The following IL1RAPL1 variants were observed in gnomAD, a reference collection of about 807,000 sequenced individuals.
IL1RAPL1 encodes interleukin-1 receptor accessory protein-like 1.
IL1RAPL1 carries 3 observed loss-of-function variants against 48.4 expected under a neutral mutation model. The observed-to-expected ratio is 0.06, with a 90% CI of 0.03 to 0.16. The LOEUF (loss-of-function observed/expected upper bound fraction) is 0.16. IL1RAPL1 is among the 10% of genes least tolerant of loss of function. IL1RAPL1 has a pLI of 1.00. For missense variants in IL1RAPL1, 349 were observed against 530.6 expected (o/e 0.66, Z 3.36); for synonymous variants, 185 against 187.7 (o/e 0.99, Z 0.12).
chrX:28,744,587 C>G (rs1366727654), intron 1 of IL1RAPL1, among the ~76,000 whole-genome samples: 1 of 111,406 alleles, frequency 9.0e-6, no homozygotes, highest in Non-Finnish European at 1.9e-5. Flanking sequence ...TGTCTATACT[C>G]AAAATGCCAA....
At chrX:29,614,256 T>C (rs936593665) in intron 5 of IL1RAPL1, among the ~76,000 whole-genome samples, 4 of 111,584 alleles carry the variant, frequency 3.6e-5, no homozygotes, top group Non-Finnish European at 7.5e-5. Context: ...CCTAGGCAAA[T>C]TGTCAGATTC....
chrX:29,084,804 G>A (rs1255818505), intron 2 of IL1RAPL1, among the ~76,000 whole-genome samples: 1 of 112,319 alleles, frequency 8.9e-6, no homozygotes, highest in African/African-American at 3.2e-5. Context: ...CGATTCTCCT[G>A]CCTCAGCCTC....
chrX:28,758,994 T>G (rs1936135317), intron 1 of IL1RAPL1, among the ~76,000 whole-genome samples: 1 of 112,342 alleles, frequency 8.9e-6, no homozygotes, highest in Non-Finnish European at 1.9e-5. Context: ...CCCAGCACTT[T>G]GGGAGGCCGA....
At chrX:29,048,839 A>G (rs1318088353) in intron 2 of IL1RAPL1, among the ~76,000 whole-genome samples, 1 of 112,298 alleles carries the variant, frequency 8.9e-6, no homozygotes, top group African/African-American at 3.2e-5. Flanking sequence ...TCTTTTATGA[A>G]CCACAAAGGA....
At chrX:28,706,129 G>A (rs764688782) in intron 1 of IL1RAPL1, among the ~76,000 whole-genome samples, 13 of 111,840 alleles carry the variant, frequency 1.2e-4, no homozygotes, top group Non-Finnish European at 1.9e-4. Context: ...ATGACGAACC[G>A]CATGTAGGAT....
intron 3 of IL1RAPL1, among the ~76,000 whole-genome samples, chrX:29,288,211 C>T (rs1350147227): frequency 5.4e-5 from 6 of 110,221 alleles, no homozygotes; most frequent in Admixed American, 3.9e-4. Flanking sequence ...CATAGGTAAA[C>T]GTGTGCCATG....
At chrX:29,327,644 A>G (rs1932851570) in intron 3 of IL1RAPL1, among the ~76,000 whole-genome samples, 1 of 104,906 alleles carries the variant, frequency 9.5e-6, no homozygotes, top group East Asian at 2.9e-4. Flanking sequence ...TACACACTAT[A>G]TATATACTAT....
At chrX:29,317,419 A>G (rs938003322) in intron 3 of IL1RAPL1, among the ~76,000 whole-genome samples, 3 of 112,129 alleles carry the variant, frequency 2.7e-5, no homozygotes, top group African/African-American at 6.5e-5. Context: ...TACTATTTTA[A>G]TTTACAATTA....
chrX:29,954,949 G>A (rs1484111944), intron 10 of IL1RAPL1, among the ~76,000 whole-genome samples, 153 bp from the exon 11 acceptor site: 2 of 111,730 alleles, frequency 1.8e-5, no homozygotes, highest in Non-Finnish European at 3.8e-5. Flanking sequence ...GATTTGTACC[G>A]GGAAAAAAAA....
At chrX:28,874,181 C>T (rs939257302) in intron 2 of IL1RAPL1, among the ~76,000 whole-genome samples, 1 of 111,357 alleles carries the variant, frequency 9.0e-6, no homozygotes, top group African/African-American at 3.3e-5. Context: ...TTTTCATACT[C>T]AAGGCCTTAT....
intron 3 of IL1RAPL1, among the ~76,000 whole-genome samples, chrX:29,320,264 G>T (rs757166106): frequency 2.7e-5 from 3 of 111,613 alleles, no homozygotes; most frequent in African/African-American, 6.5e-5. Flanking sequence ...ATGGGGAAAG[G>T]ATACACGACA....
chrX:29,853,468 A>G (rs911969269), intron 6 of IL1RAPL1, among the ~76,000 whole-genome samples: 2 of 111,858 alleles, frequency 1.8e-5, no homozygotes, highest in Non-Finnish European at 3.8e-5. Context: ...ATAAAAAAAC[A>G]AAATCTAAGA....
At chrX:28,694,182 C>T (rs887932512) in intron 1 of IL1RAPL1, among the ~76,000 whole-genome samples, 1 of 111,823 alleles carries the variant, frequency 8.9e-6, no homozygotes, top group Non-Finnish European at 1.9e-5. Context: ...AGTTTCACTT[C>T]ATTTTCTTGC....
chrX:29,776,425 G>A (rs992829596), intron 6 of IL1RAPL1, among the ~76,000 whole-genome samples: 8 of 111,601 alleles, frequency 7.2e-5, no homozygotes, highest in African/African-American at 2.6e-4. Flanking sequence ...ACTTTTACCT[G>A]CCTCTCCCCC....
chrX:29,224,600 G>A (rs1931044744), intron 2 of IL1RAPL1, among the ~76,000 whole-genome samples: 1 of 111,313 alleles, frequency 9.0e-6, no homozygotes, highest in Non-Finnish European at 1.9e-5. Flanking sequence ...TCCTCAATGC[G>A]GTAAATTTTG....
intron 5 of IL1RAPL1, among the ~76,000 whole-genome samples, chrX:29,522,962 T>C (rs968900507): frequency 9.0e-6 from 1 of 111,475 alleles, no homozygotes; most frequent in Non-Finnish European, 1.9e-5. Context: ...CTTTAGTTTA[T>C]GCTATAGGTC....
chrX:29,393,803 G>A (rs1220590457), intron 3 of IL1RAPL1, among the ~76,000 whole-genome samples: 1 of 108,981 alleles, frequency 9.2e-6, no homozygotes, highest in Non-Finnish European at 1.9e-5. Flanking sequence ...ATTTGAATGT[G>A]CCCTAAAATA....
At chrX:29,034,651 A>G (rs1057341741) in intron 2 of IL1RAPL1, among the ~76,000 whole-genome samples, 2 of 111,376 alleles carry the variant, frequency 1.8e-5, no homozygotes, top group African/African-American at 6.5e-5. Context: ...TTTACAAAAT[A>G]AGTTAGGAAT....
At chrX:29,385,661 T>C (rs2147677788) in intron 3 of IL1RAPL1, among the ~76,000 whole-genome samples, 1 of 112,570 alleles carries the variant, frequency 8.9e-6, no homozygotes, top group Non-Finnish European at 1.9e-5. Flanking sequence ...GTTTCATCCA[T>C]GTTGTATCGT....
Sources: gnomAD v4.1 joint callset for allele counts (sites outside exome capture counted in the v4.1 genomes callset) on GRCh38, gnomAD v4.1.1 for gene constraint, MANE v1.5 for transcripts, NCBI Gene and HGNC (gene_info 2026-07-23, HGNC 2026-07-21) for gene names.